LARGE1: variants seen among roughly 807,000 people sequenced by gnomAD.
LARGE1 encodes the protein xylosyl- and glucuronyltransferase LARGE1.
Under a neutral mutation model 87.6 loss-of-function variants are expected in LARGE1, and 43 were observed. The ratio of observed to expected loss-of-function variants is 0.49; its 90% CI spans 0.38 to 0.63. The LOEUF (loss-of-function observed/expected upper bound fraction) is 0.63. LARGE1 is among the 30% of genes least tolerant of loss of function. LARGE1 has a pLI of 0.00. For missense variants in LARGE1, 802 were observed against 1,000.2 expected, an observed-to-expected ratio of 0.80 and a Z score of 2.67; for synonymous variants, 434 against 394.6, an observed-to-expected ratio of 1.10 and a Z score of -1.18.
At chr22:33,402,590 G>T (rs2065961008) in intron 7 of LARGE1, among the ~76,000 whole-genome samples, 1 of 152,214 alleles carries the variant, frequency 6.6e-6, no homozygotes, top group South Asian at 2.1e-4. Context: ...TGTGCTTTAT[G>T]GTACTCTTCT....
intron 1 of LARGE1, among the ~76,000 whole-genome samples, chr22:33,838,148 A>G (rs934407986): frequency 5.3e-5 from 8 of 152,220 alleles, no homozygotes; most frequent in Non-Finnish European, 7.3e-5. Flanking sequence ...TGTAAAAGCC[A>G]TTCTTAGCTC....
At chr22:33,286,290 T>C (rs1214729228) in intron 12 of LARGE1, among the ~76,000 whole-genome samples, 1 of 152,188 alleles carries the variant, frequency 6.6e-6, no homozygotes, top group Non-Finnish European at 1.5e-5. Context: ...CTCTATTGGA[T>C]AGGGGCAGAG....
chr22:33,250,814 C>T (rs1194998661), intron 11 of LARGE1, among the ~76,000 whole-genome samples: 1 of 152,194 alleles, frequency 6.6e-6, no homozygotes, highest in Non-Finnish European at 1.5e-5. Flanking sequence ...TAATTGATTT[C>T]AAATTGAATC....
At chr22:33,399,906 T>A (rs1347709257) in intron 7 of LARGE1, among the ~76,000 whole-genome samples, 2 of 152,242 alleles carry the variant, frequency 1.3e-5, no homozygotes, top group Non-Finnish European at 2.9e-5. Flanking sequence ...TCCAGTAAAG[T>A]AATATCACTG....
chr22:33,296,157 A>G (rs5998854), intron 12 of LARGE1, among the ~76,000 whole-genome samples: 7,059 of 152,306 alleles, frequency 0.046, 540 homozygotes, highest in African/African-American at 0.16. Context: ...CTTGCCACGT[A>G]CTGGCATAGA....
intron 11 of LARGE1, among the ~76,000 whole-genome samples, chr22:33,239,002 A>C (rs1490329350): frequency 1.3e-5 from 2 of 152,174 alleles, no homozygotes; most frequent in African/African-American, 4.8e-5. Context: ...AATAGAAAAA[A>C]AATAAGATCA....
intron 9 of LARGE1, among the ~76,000 whole-genome samples, chr22:33,352,309 C>A (rs2146771790): frequency 6.6e-6 from 1 of 152,202 alleles, no homozygotes; most frequent in East Asian, 1.9e-4. Flanking sequence ...CACGAAAAAC[C>A]AGGAAAGACT....
intron 4 of LARGE1, 46 bp from the exon 5 acceptor site, chr22:33,604,604 C>G: frequency 1.2e-6 from 2 of 1,612,964 alleles, no homozygotes; most frequent in Non-Finnish European, 1.7e-6. Context: ...AGGTACGGCT[C>G]TTTGAATTAC....
At chr22:33,303,941 C>A (rs1934519923) in intron 12 of LARGE1, among the ~76,000 whole-genome samples, 1 of 152,184 alleles carries the variant, frequency 6.6e-6, no homozygotes. Flanking sequence ...GGTATGTTTT[C>A]ATAGATGCTA....
At position 33,725,452 on chromosome 22, in the gene LARGE1, C is replaced by T. The variant is rs75164070; in HGVS notation, c.106+35919G>A. Among the ~76,000 whole-genome samples the T allele has an allele frequency of 1.6e-3, 240 of 152,304 alleles. 6 individuals carry two copies. The East Asian group carries it at 0.037, about 24-fold the overall frequency. ...CTCCCAGTTGAGGGTTCATCAGGAA[C>T]TAGAGGACCAACCAACAAGGTCATT... On this transcript the variant is annotated intron_variant, in intron 2 of 14. Transcript: ENST00000397394.
intron 2 of LARGE1, among the ~76,000 whole-genome samples, chr22:33,728,735 C>T (rs1240242423): frequency 1.3e-5 from 2 of 152,054 alleles, no homozygotes; most frequent in African/African-American, 2.4e-5. Flanking sequence ...CACTTCCTCA[C>T]TAGCTACTAG....
intron 9 of LARGE1, among the ~76,000 whole-genome samples, chr22:33,341,858 G>A (rs1939182517): frequency 6.6e-6 from 1 of 152,176 alleles, no homozygotes. Flanking sequence ...CCATGTTAGA[G>A]TGGTTCCATA....
At chr22:33,314,309 C>T (rs1480709451) in intron 11 of LARGE1, among the ~76,000 whole-genome samples, 1 of 152,134 alleles carries the variant, frequency 6.6e-6, no homozygotes, top group Non-Finnish European at 1.5e-5. Flanking sequence ...GACCGCCGGC[C>T]CCTGAAGCCA....
At chr22:33,533,622 C>T (rs1003407552) in intron 6 of LARGE1, among the ~76,000 whole-genome samples, 4 of 152,178 alleles carry the variant, frequency 2.6e-5, no homozygotes, top group Admixed American at 6.5e-5. Context: ...AGTCGGGAAA[C>T]GTTAGCCCAG....
chr22:33,758,859 C>T (rs2084618405), intron 2 of LARGE1, among the ~76,000 whole-genome samples: 1 of 152,190 alleles, frequency 6.6e-6, no homozygotes, highest in Non-Finnish European at 1.5e-5. Flanking sequence ...AGCAACTCTC[C>T]ATCATCCTGT....
At chr22:33,101,665 C>G in the LARGE1 span, among the ~76,000 whole-genome samples, 1 of 152,140 alleles carries the variant, frequency 6.6e-6, no homozygotes, top group South Asian at 2.1e-4. Flanking sequence ...AGATGGCACA[C>G]ATTTCTATGA....
chr22:33,494,372 T>C (rs1382351949), intron 6 of LARGE1, among the ~76,000 whole-genome samples: 1 of 152,202 alleles, frequency 6.6e-6, no homozygotes, highest in East Asian at 1.9e-4. Context: ...ACTTGACAGC[T>C]TACGTAAATG....
intron 2 of LARGE1, among the ~76,000 whole-genome samples, chr22:33,664,127 G>A: frequency 6.6e-6 from 1 of 152,184 alleles, no homozygotes; most frequent in East Asian, 1.9e-4. Context: ...CAGGAGCCAG[G>A]CTGAATCACC....
At chr22:33,246,290 A>G (rs1266708255) in intron 11 of LARGE1, among the ~76,000 whole-genome samples, 1 of 152,208 alleles carries the variant, frequency 6.6e-6, no homozygotes, top group Non-Finnish European at 1.5e-5. Context: ...GCTTTTATGG[A>G]AATTTTGCCA....
Sources: gnomAD v4.1 joint callset for allele counts (sites outside exome capture counted in the v4.1 genomes callset) on GRCh38, gnomAD v4.1.1 for gene constraint, MANE v1.5 for transcripts, NCBI Gene and HGNC (gene_info 2026-07-23, HGNC 2026-07-21) for gene names.